IKZF5: variants seen among roughly 807,000 people sequenced by gnomAD.
IKZF5 encodes zinc finger protein Pegasus.
A neutral mutation model predicts 30.7 loss-of-function variants in IKZF5; 4 were observed. The observed-to-expected ratio is 0.13, with a 90% CI of 0.06 to 0.30. The LOEUF is 0.30. Ranked by LOEUF, IKZF5 falls within the 10% of genes least tolerant of loss-of-function variation. The probability of loss-of-function intolerance (pLI) is 1.00; values close to 1 mark genes in which losing one functional copy is unlikely to be tolerated. For synonymous variants in IKZF5, 148 were observed against 179.6 expected (o/e 0.82, Z 1.41); for missense variants, 348 against 525.5 (o/e 0.66, Z 3.30).
At chr10:122,997,357 T>C (rs887966396) in intron 3 of IKZF5, 8 of 152,278 alleles carry the variant, frequency 5.3e-5, no homozygotes, top group Non-Finnish European at 2.9e-5. Context: ...ATTCTGCTGG[T>C]TGAGACAAGA....
intron 2 of IKZF5, among the ~76,000 whole-genome samples, chr10:123,003,511 A>G (rs905344050): frequency 6.6e-6 from 1 of 152,120 alleles, no homozygotes; most frequent in Admixed American, 6.5e-5. Flanking sequence ...TTAGTTTCCT[A>G]TTTTGTAAAA....
intron 3 of IKZF5, 72 bp from the exon 4 acceptor site, chr10:122,996,248 G>A: frequency 3.0e-6 from 4 of 1,328,168 alleles, no homozygotes; most frequent in Non-Finnish European, 4.2e-6. Flanking sequence ...AGTTTTAAGT[G>A]GTTGAAAAAT....
At chr10:123,004,525 T>C (rs1189990806) in intron 2 of IKZF5, among the ~76,000 whole-genome samples, 1 of 152,040 alleles carries the variant, frequency 6.6e-6, no homozygotes, top group Admixed American at 6.6e-5. Context: ...ATGGCTGGCA[T>C]ATTTTGACAG....
chr10:123,007,512 A>T (rs1849842449), intron 1 of IKZF5, among the ~76,000 whole-genome samples: 1 of 152,234 alleles, frequency 6.6e-6, no homozygotes, highest in South Asian at 2.1e-4. Context: ...AAAACGGTCA[A>T]GCTTAGTACT....
intron 2 of IKZF5, among the ~76,000 whole-genome samples, chr10:123,006,533 T>C (rs987435919): frequency 6.6e-6 from 1 of 152,202 alleles, no homozygotes; most frequent in African/African-American, 2.4e-5. Flanking sequence ...ATCTTCCTTC[T>C]TCCTTCTATC....
rs1238823553 is a variant in IKZF5 at position 122,991,341 on chromosome 10, T to A, written c.*2439A>T. On this transcript the variant is annotated 3_prime_UTR_variant, in exon 5 of 5. Coordinates refer to ENST00000368886, the MANE Select transcript of IKZF5 (RefSeq NM_001372123.1). ...ATCTCTTCACAGTTTCTTAAAAAAA[T>A]ATTAGTGGAGATAAATTATCTACCA... 2 of 152,172 alleles carry A rather than the reference T, an allele frequency of 1.3e-5. No individual in the cohort carries two copies. Among genetic ancestry groups the A allele is most frequent in the African/African-American group, 4.8e-5 (2 of 41,436 alleles). 9.4% of individuals were successfully genotyped at this position (152,172 alleles called of 1,614,324 possible).
chr10:123,008,724 C>T lies in IKZF5; in HGVS notation c.-228G>A. ...GACAACTGCATGGAGTAAACCACAC[C>T]GCCTTGTTAAATGCCGTCGCCGCCG... On this transcript the variant is annotated 5_prime_UTR_variant, in exon 1 of 5. Transcript: ENST00000368886. 3.6e-6 allele frequency: 2 copies of T among 559,900 alleles called. No homozygotes were observed. Among genetic ancestry groups the T allele is most frequent in the Non-Finnish European group, 6.4e-6 (2 of 310,410 alleles). 34.7% of individuals were successfully genotyped at this position (559,900 alleles called of 1,614,324 possible). A position where few individuals can be genotyped will look rare whatever the true frequency, so the allele number is the denominator to read the frequency against.
chr10:122,994,089 T>C lies in IKZF5; in HGVS notation c.951A>G (p.Pro317=), dbSNP rs1849266507. 2 of 1,614,038 alleles carry C rather than the reference T, an allele frequency of 1.2e-6. No individual in the cohort carries two copies. Among genetic ancestry groups the C allele is most frequent in the African/African-American group, 2.7e-5 (2 of 74,910 alleles). ...GACTATAGTTCCTTTGACTATGGGA[T>C]GGCCGAGGTTCTGGGCTTGTGGGAG... ...SSSPTSPEPR[P]SHSQRNYSPV... is the part of the protein sequence containing the mutation. The change falls in exon 5 of 5, where the codon CCA becomes CCG. Residue 317 remains proline (P), a synonymous_variant. Transcript: ENST00000368886. The surrounding 1 kb of genome is among the most constrained non-coding windows in gnomAD (Gnocchi z 5.6).
Position 122,993,972 on chromosome 10 carries a change from C to G in IKZF5, c.1068G>C (p.Pro356=). ...SQPSTPAPAL[P]VQDPQLLHHC... ...GGTGCAGAAGCTGAGGGTCCTGGAC[C>G]GGCAGGGCTGGGGCTGGGGTGCTTG... The change falls in exon 5 of 5, where the codon CCG becomes CCC. Residue 356 remains proline, a synonymous_variant. Transcript: ENST00000368886. 6.2e-7 allele frequency: 1 copy of G among 1,614,044 alleles called. No individual in the cohort carries two copies. The highest frequency in any genetic ancestry group is 1.3e-5 in the African/African-American group (1 of 75,022).
intron 3 of IKZF5, chr10:122,997,397 G>A (rs756869902): frequency 2.6e-5 from 4 of 152,246 alleles, no homozygotes; most frequent in Admixed American, 2.0e-4. Flanking sequence ...CACTGCATTC[G>A]AGGGACAAGG....
In IKZF5 at chr10:122,993,531, A is replaced by C. The variant is rs1849240072; in HGVS notation, c.*249T>G. On this transcript the variant is annotated 3_prime_UTR_variant, in exon 5 of 5. Coordinates refer to ENST00000368886, the MANE Select transcript of IKZF5 (RefSeq NM_001372123.1). ...CTTGTAAGATTATGACTGCACTCCA[A>C]TTCTCCAATGTCGAAAGGAAAGGAA... 3.3e-6 allele frequency: 1 copy of C among 302,028 alleles called. No homozygotes were observed. The highest frequency in any genetic ancestry group is 9.3e-5 in the South Asian group (1 of 10,696). 18.7% of individuals were successfully genotyped at this position (302,028 alleles called of 1,614,324 possible). A position where few individuals can be genotyped will look rare whatever the true frequency, so the allele number is the denominator to read the frequency against.
chr10:122,996,230 A>G, intron 3 of IKZF5, 54 bp from the exon 4 acceptor site: 1 of 1,483,078 alleles, frequency 6.7e-7, no homozygotes. Flanking sequence ...AACTCAATTT[A>G]GCATTTCAGT....
chr10:123,002,093 C>G (rs1360931048), intron 2 of IKZF5, among the ~76,000 whole-genome samples: 1 of 152,212 alleles, frequency 6.6e-6, no homozygotes, highest in African/African-American at 2.4e-5. Flanking sequence ...CACATCTAGT[C>G]TCTTCTTTGT....
chr10:123,005,983 A>C (rs879867616), intron 2 of IKZF5, among the ~76,000 whole-genome samples: 1 of 152,188 alleles, frequency 6.6e-6, no homozygotes, highest in Non-Finnish European at 1.5e-5. Context: ...AAAATTCCCA[A>C]ATCCTTCCTG....
At chr10:122,999,226 C>A (rs549586309) in intron 2 of IKZF5, among the ~76,000 whole-genome samples, 1 of 152,158 alleles carries the variant, frequency 6.6e-6, no homozygotes, top group Non-Finnish European at 1.5e-5. Context: ...CTGTGCTATT[C>A]CTACGCAGTT....
In IKZF5 at chr10:122,993,709, G is replaced by T; in HGVS notation, c.*71C>A. ...AATTAGCAGACACTTTATTAGGGAT[G>T]ACCAAAACAAAAAACAAAAAAAACC... On this transcript the variant is annotated 3_prime_UTR_variant, in exon 5 of 5. Transcript: ENST00000368886. 3.1e-6 allele frequency: 3 copies of T among 982,082 alleles called. No individual in the cohort carries two copies. Among genetic ancestry groups the T allele is most frequent in the South Asian group, 3.2e-5 (2 of 62,004 alleles). 60.8% of individuals were successfully genotyped at this position (982,082 alleles called of 1,614,324 possible).
At chr10:122,997,767 G>A (rs2133391166) in intron 3 of IKZF5, among the ~76,000 whole-genome samples, 1 of 152,340 alleles carries the variant, frequency 6.6e-6, no homozygotes, top group East Asian at 1.9e-4. Context: ...GTAAACAAAT[G>A]AGCATATCTG....
At position 122,991,695 on chromosome 10, in the gene IKZF5, C is replaced by T. The variant is rs941009215; in HGVS notation, c.*2085G>A. The T allele has an allele frequency of 6.6e-6, 1 of 152,074 alleles. No individual in the cohort carries two copies. The highest frequency in any genetic ancestry group is 2.1e-4 in the South Asian group (1 of 4,836). 9.4% of individuals were successfully genotyped at this position (152,074 alleles called of 1,614,324 possible). On this transcript the variant is annotated 3_prime_UTR_variant, in exon 5 of 5. Coordinates refer to ENST00000368886, the MANE Select transcript of IKZF5 (RefSeq NM_001372123.1). ...AACTGTAGCTTCTTAGCATCAAAAC[C>T]TTTGGGATATCAACTGTGCTCTTTA...
chr10:122,994,794 C>A lies in IKZF5; in HGVS notation c.317-71G>T. 8.5e-7 allele frequency: 1 copy of A among 1,176,954 alleles called. No individual in the cohort carries two copies. The highest frequency in any genetic ancestry group is 1.5e-5 in the South Asian group (1 of 66,124). The allele number at this position is 1,176,954 out of a possible 1,614,324, so 72.9% of individuals were successfully genotyped here. ...TTATGGAAAGTTTTGCTTGTCCATTCATTGGACAACTGGAAATTGATCAAA... is the reference window on the plus strand; with the variant it reads ...TTATGGAAAGTTTTGCTTGTCCATTAATTGGACAACTGGAAATTGATCAAA... On this transcript the variant is annotated intron_variant, in intron 4 of 4. Transcript: ENST00000368886. This position sits in a 1 kb window ranked among gnomAD's most constrained non-coding sequence, Gnocchi z 5.6.
Sources: gnomAD v4.1 joint callset for allele counts (sites outside exome capture counted in the v4.1 genomes callset) on GRCh38, gnomAD v4.1.1 for gene constraint, Gnocchi (gnomAD v3.1) non-coding constraint, MANE v1.5 for transcripts, NCBI Gene and HGNC (gene_info 2026-07-23, HGNC 2026-07-21) for gene names.